Variants in UNC5D observed in about 807,000 individuals in gnomAD.
UNC5D encodes the protein netrin receptor UNC5D.
A neutral mutation model predicts 105.4 loss-of-function variants in UNC5D; 39 were observed. The ratio of observed to expected loss-of-function variants is 0.37; its 90% CI spans 0.29 to 0.48. The LOEUF is 0.48. Among genes scored for constraint, UNC5D ranks in the 20% least tolerant of loss-of-function variants. The pLI is 0.98. For synonymous variants in UNC5D, 452 were observed against 450.4 expected, an observed-to-expected ratio of 1.00 and a Z score of -0.04; for missense variants, 991 against 1,202.4, an observed-to-expected ratio of 0.82 and a Z score of 2.60.
intron 1 of UNC5D, among the ~76,000 whole-genome samples, chr8:35,273,277 C>T (rs749526235): frequency 4.2e-4 from 64 of 152,284 alleles, no homozygotes; most frequent in African/African-American, 8.9e-4. Context: ...TCAATTAAAA[C>T]GATTATAAGA....
At chr8:35,529,723 C>G (rs1458691454) in intron 1 of UNC5D, among the ~76,000 whole-genome samples, 2 of 115,208 alleles carry the variant, frequency 1.7e-5, no homozygotes, top group African/African-American at 3.4e-5. Context: ...CTTTTATTTC[C>G]TTGAGCAGTG....
At position 35,728,097 on chromosome 8, in the gene UNC5D, T is replaced by A. The variant is rs368569921; in HGVS notation, c.1681+1568T>A. On this transcript the variant is annotated intron_variant, in intron 10 of 16. Coordinates refer to ENST00000404895, the MANE Select transcript of UNC5D (RefSeq NM_080872.4). ...AAAAAAAAAAAAAAAAAAAAAAAAA[T>A]ATATATATATATATGCCATAAAAAC... Among the ~76,000 whole-genome samples the A allele has an allele frequency of 4.1e-3, 292 of 70,730 alleles. 2 individuals carry two copies. The highest frequency in any genetic ancestry group is 0.013 in the East Asian group (37 of 2,812). 46.4% of individuals were successfully genotyped at this position (70,730 alleles called of 152,430 possible).
chr8:35,705,363 T>G (rs1200926444), intron 7 of UNC5D, among the ~76,000 whole-genome samples: 4 of 152,146 alleles, frequency 2.6e-5, no homozygotes, highest in Admixed American at 2.6e-4. Context: ...GGAACAGATT[T>G]TAGCAGATAA....
intron 1 of UNC5D, among the ~76,000 whole-genome samples, chr8:35,361,063 G>A (rs1801826324): frequency 6.6e-6 from 1 of 152,034 alleles, no homozygotes; most frequent in Non-Finnish European, 1.5e-5. Context: ...ATGCCAAAAT[G>A]TCTGAAAACT....
intron 11 of UNC5D, among the ~76,000 whole-genome samples, chr8:35,746,857 A>C (rs1314722191): frequency 6.6e-6 from 1 of 152,294 alleles, no homozygotes; most frequent in Non-Finnish European, 1.5e-5. Context: ...CATGAAAAGC[A>C]CTTCACCCTC....
intron 13 of UNC5D, among the ~76,000 whole-genome samples, chr8:35,757,443 G>C (rs536632005): frequency 6.6e-6 from 1 of 152,036 alleles, no homozygotes; most frequent in East Asian, 2.0e-4. Context: ...CAAATGGCCA[G>C]CTCCTCCATT....
chr8:35,690,106 G>A (rs1826283797), intron 7 of UNC5D, among the ~76,000 whole-genome samples: 1 of 152,062 alleles, frequency 6.6e-6, no homozygotes, highest in Admixed American at 6.6e-5. Flanking sequence ...ACTTCAGCAT[G>A]TTTTTTCTAG....
intron 1 of UNC5D, among the ~76,000 whole-genome samples, chr8:35,378,754 C>T (rs1486957879): frequency 1.3e-5 from 2 of 152,138 alleles, no homozygotes; most frequent in Admixed American, 1.3e-4. Context: ...AAATTTTGAG[C>T]ATTTCTGTTA....
At chr8:35,697,589 T>C (rs1298295620) in intron 7 of UNC5D, among the ~76,000 whole-genome samples, 1 of 152,166 alleles carries the variant, frequency 6.6e-6, no homozygotes, top group East Asian at 1.9e-4. Flanking sequence ...TATGAATTCA[T>C]GTAGAACATA....
chr8:35,310,898 C>T (rs571471712), intron 1 of UNC5D, among the ~76,000 whole-genome samples: 1 of 152,022 alleles, frequency 6.6e-6, no homozygotes, highest in East Asian at 1.9e-4. Flanking sequence ...CAGTTGGGTC[C>T]ATATGATGGA....
intron 1 of UNC5D, among the ~76,000 whole-genome samples, chr8:35,362,685 C>T (rs569798510): frequency 5.3e-5 from 8 of 152,238 alleles, no homozygotes; most frequent in Admixed American, 2.6e-4. Flanking sequence ...AAGAACCACA[C>T]GCAATTATCA....
intron 11 of UNC5D, among the ~76,000 whole-genome samples, chr8:35,737,287 TGTGTGTGTGTGTG>T (rs1563720923): frequency 1.9e-4 from 28 of 150,016 alleles, no homozygotes; most frequent in African/African-American, 6.7e-4. Context: ...TGTGTGTGTG[TGTGTGTGTGTGTG>T]TTAATGTGTG....
At chr8:35,451,891 G>A (rs1379886425) in intron 1 of UNC5D, among the ~76,000 whole-genome samples, 2 of 152,144 alleles carry the variant, frequency 1.3e-5, no homozygotes, top group African/African-American at 4.8e-5. Context: ...AGCCTTGAAA[G>A]GAGGGAGGTA....
chr8:35,258,602 A>G (rs1283745970), intron 1 of UNC5D, among the ~76,000 whole-genome samples: 1 of 152,128 alleles, frequency 6.6e-6, no homozygotes, highest in Non-Finnish European at 1.5e-5. Context: ...TAATATATGC[A>G]AAGTATTTAA....
rs1467129975 is a variant in UNC5D at position 35,652,629 on chromosome 8, A to T, written c.571-30918A>T. Among the ~76,000 whole-genome samples the T allele has an allele frequency of 4.1e-4, 61 of 149,720 alleles. 1 individual carries two copies. Among genetic ancestry groups the T allele is most frequent in the African/African-American group, 1.4e-3 (57 of 40,688 alleles). On this transcript the variant is annotated intron_variant, in intron 4 of 16. Transcript: ENST00000404895. ...ATGAGTTTTTTTTTTTCATTTTGTT[A>T]GTTTTCTATGTGGTTATCACTCACT...
intron 1 of UNC5D, among the ~76,000 whole-genome samples, chr8:35,347,344 T>A (rs1811876981): frequency 6.6e-6 from 1 of 151,730 alleles, no homozygotes; most frequent in Non-Finnish European, 1.5e-5. Flanking sequence ...AAACTTTCTT[T>A]GTCATATTTT....
chr8:35,750,790 A>AT lies in UNC5D; in HGVS notation c.2145dup (p.Thr716TyrfsTer12), dbSNP rs755773139. The AT allele has an allele frequency of 6.2e-7, 1 of 1,614,126 alleles. No homozygotes were observed. The highest frequency in any genetic ancestry group is 8.5e-7 in the Non-Finnish European group (1 of 1,180,002). ...AACTTGAGAGTTTACTGTGTGGACA[A>AT]TACCCCTTGTGCATTTCAGGTTAGC... On this transcript the variant is annotated frameshift_variant, in exon 13 of 17. Transcript: ENST00000404895. LOFTEE classifies it high-confidence loss of function.
At chr8:35,504,945 A>G (rs549535246) in intron 1 of UNC5D, among the ~76,000 whole-genome samples, 2 of 152,300 alleles carry the variant, frequency 1.3e-5, no homozygotes, top group Admixed American at 1.3e-4. Context: ...TAGCCCCCCA[A>G]AACAGCCACT....
intron 1 of UNC5D, among the ~76,000 whole-genome samples, chr8:35,536,671 G>A (rs556702399): frequency 2.0e-5 from 3 of 152,234 alleles, no homozygotes; most frequent in South Asian, 4.1e-4. Flanking sequence ...ATATGGTCAC[G>A]AATGAATTAA....
Sources: gnomAD v4.1 joint callset for allele counts (sites outside exome capture counted in the v4.1 genomes callset) on GRCh38, gnomAD v4.1.1 for gene constraint, MANE v1.5 for transcripts, NCBI Gene and HGNC (gene_info 2026-07-23, HGNC 2026-07-21) for gene names.